Variants in ZC3H7A observed in about 807,000 individuals in gnomAD.
The protein encoded by ZC3H7A is zinc finger CCCH domain-containing protein 7A.
In ZC3H7A, 44 loss-of-function variants were observed where a neutral mutation model predicts 125.5. The ratio of observed to expected loss-of-function variants is 0.35; its 90% CI spans 0.28 to 0.45. The LOEUF (loss-of-function observed/expected upper bound fraction) is 0.45. Among genes scored for constraint, ZC3H7A ranks in the 20% least tolerant of loss-of-function variants. The pLI is 1.00. For synonymous variants in ZC3H7A, 399 were observed against 391.2 expected (o/e 1.02, Z -0.23); for missense variants, 977 against 1,170.7 (o/e 0.83, Z 2.41).
intron 19 of ZC3H7A, among the ~76,000 whole-genome samples, chr16:11,760,145 A>AAAAAAAAAT (rs60462156): frequency 7.2e-6 from 1 of 138,524 alleles, no homozygotes; most frequent in Non-Finnish European, 1.6e-5. Flanking sequence ...AAAAAAAAAA[A>AAAAAAAAAT]GAAAAAAAGT....
intron 7 of ZC3H7A, 64 bp downstream of exon 7, chr16:11,776,256 G>A: frequency 1.3e-6 from 2 of 1,491,140 alleles, no homozygotes; most frequent in Non-Finnish European, 1.8e-6. Flanking sequence ...AATACTAAAA[G>A]TAGAATTGCT....
In ZC3H7A at chr16:11,762,044, C is replaced by A; in HGVS notation, c.2080-1G>T. 1 of 1,585,722 alleles carries A rather than the reference C, an allele frequency of 6.3e-7. No homozygotes were observed. Among genetic ancestry groups the A allele is most frequent in the Non-Finnish European group, 8.6e-7 (1 of 1,169,478 alleles). On this transcript the variant is annotated splice_acceptor_variant, in intron 17 of 22. Coordinates refer to ENST00000355758, the MANE Select transcript of ZC3H7A (RefSeq NM_014153.4). LOFTEE classifies it high-confidence loss of function. ...CAGGCATTATTTGATTACCAAGTAC[C>A]TTAAACAATTAAAAGATTCGTTTTA...
intron 1 of ZC3H7A, among the ~76,000 whole-genome samples, chr16:11,788,494 C>CCT (rs1489331579): frequency 1.3e-5 from 2 of 152,210 alleles, no homozygotes; most frequent in African/African-American, 4.8e-5. Flanking sequence ...ATGTCTCCTT[C>CCT]CCATCCTATC....
chr16:11,751,068 C>T lies in ZC3H7A; in HGVS notation c.*249G>A, dbSNP rs1219363117. The stretch of plus-strand genomic sequence containing the variant: ...TATCCTCTTCCCCAACACACTTCAT[C>T]CAAAAGTCTGTTCAACAGATGGCAA... On this transcript the variant is annotated 3_prime_UTR_variant, in exon 23 of 23. Coordinates refer to ENST00000355758, the MANE Select transcript of ZC3H7A (RefSeq NM_014153.4). The T allele has an allele frequency of 2.6e-6, 1 of 382,884 alleles. No homozygotes were observed. The highest frequency in any genetic ancestry group is 4.9e-5 in the East Asian group (1 of 20,484). 23.7% of individuals were successfully genotyped at this position (382,884 alleles called of 1,614,324 possible). A position where few individuals can be genotyped will look rare whatever the true frequency, so the allele number is the denominator to read the frequency against.
intron 9 of ZC3H7A, among the ~76,000 whole-genome samples, chr16:11,771,923 G>C (rs1032677763): frequency 6.6e-6 from 1 of 152,052 alleles, no homozygotes; most frequent in Non-Finnish European, 1.5e-5. Flanking sequence ...GGCTGGGCAT[G>C]GTGGCTCACA....
intron 20 of ZC3H7A, among the ~76,000 whole-genome samples, chr16:11,757,699 G>A (rs573741029): frequency 2.4e-4 from 36 of 152,186 alleles, no homozygotes; most frequent in African/African-American, 7.7e-4. Flanking sequence ...TGGTGCGCAA[G>A]GGCATCTTCA....
At chr16:11,782,743 G>A in intron 1 of ZC3H7A, 1 of 163,164 alleles carries the variant, frequency 6.1e-6, no homozygotes, top group Non-Finnish European at 1.3e-5. Context: ...AGCCTCCTGA[G>A]TGGCTGGGAC....
In ZC3H7A at chr16:11,765,084, G is replaced by C; in HGVS notation, c.1789C>G (p.Pro597Ala). 1 of 1,589,166 alleles carries C rather than the reference G, an allele frequency of 6.3e-7. No homozygotes were observed. Among genetic ancestry groups the C allele is most frequent in the Non-Finnish European group, 8.6e-7 (1 of 1,169,450 alleles). ...NKDNSTACSH[P>A]VTKHEFEDNK... is the part of the protein sequence containing the mutation. ...TCTTCAAACTCATGCTTTGTAACCG[G>C]GTGAGAACAAGCAGTAGAATTATCT... Residue 597 changes from proline (P) to alanine (A), a missense_variant, in exon 15 of 23, where the codon CCG (proline) becomes GCG (alanine). By Grantham distance (27) the Pro-to-Ala change is conservative. Around this residue, in one of 3 missense-constraint regions of ZC3H7A, gnomAD observed 436 missense variants for 603.2 expected, o/e 0.72. Transcript: ENST00000355758. This position sits in a 1 kb window ranked among gnomAD's most constrained non-coding sequence, Gnocchi z 4.8.
intron 1 of ZC3H7A, chr16:11,796,209 A>G (rs1249915892): frequency 6.6e-6 from 1 of 152,252 alleles, no homozygotes; most frequent in African/African-American, 2.4e-5. Context: ...ATTTAAGTAT[A>G]AAAGATTACC....
chr16:11,787,572 C>T (rs1474585860), intron 1 of ZC3H7A, among the ~76,000 whole-genome samples: 4 of 152,146 alleles, frequency 2.6e-5, no homozygotes, highest in African/African-American at 9.7e-5. Flanking sequence ...AGCGATCCTC[C>T]CTCATCAGCC....
intron 9 of ZC3H7A, among the ~76,000 whole-genome samples, chr16:11,772,208 G>A: frequency 7.0e-6 from 1 of 142,286 alleles, no homozygotes; most frequent in South Asian, 2.3e-4. Context: ...AAAAAAAAAA[G>A]AATTTGCACC....
At chr16:11,770,700 A>C in intron 10 of ZC3H7A, 83 bp downstream of exon 10, 3 of 1,230,528 alleles carry the variant, frequency 2.4e-6, no homozygotes, top group Non-Finnish European at 3.4e-6. Context: ...TACTACCTAG[A>C]GTCAGTTAAA....
intron 4 of ZC3H7A, 66 bp from the exon 5 acceptor site, chr16:11,776,975 C>G: frequency 2.9e-6 from 4 of 1,391,074 alleles, no homozygotes; most frequent in Non-Finnish European, 3.8e-6. Flanking sequence ...TGAGGCCTTC[C>G]TGTAATAAAA....
In ZC3H7A at chr16:11,765,359, A is replaced by G. The variant is rs986739614; in HGVS notation, c.1719+130T>C. ...GAGGAATATTTTATTCATAAATATG[A>G]TATTATTTATCATATAAATAAATGA... On this transcript the variant is annotated intron_variant, in intron 14 of 22. Transcript: ENST00000355758. The surrounding 1 kb of genome is among the most constrained non-coding windows in gnomAD (Gnocchi z 4.8). 4 of 639,760 alleles carry G rather than the reference A, an allele frequency of 6.3e-6. No homozygotes were observed. The highest frequency in any genetic ancestry group is 7.2e-6 in the Non-Finnish European group (3 of 413,858). 39.6% of individuals were successfully genotyped at this position (639,760 alleles called of 1,614,324 possible).
chr16:11,753,403 G>A (rs2052583770), intron 21 of ZC3H7A, among the ~76,000 whole-genome samples: 1 of 152,198 alleles, frequency 6.6e-6, no homozygotes, highest in African/African-American at 2.4e-5. Context: ...GGTAAAAACA[G>A]ATTTGAACTC....
chr16:11,753,655 T>G (rs2052588312), intron 21 of ZC3H7A: 1 of 151,990 alleles, frequency 6.6e-6, no homozygotes, highest in Admixed American at 6.6e-5. Context: ...ATTTATTTAT[T>G]TGTTTATTTT....
Position 11,774,406 on chromosome 16 carries a change from T to C in ZC3H7A, c.733A>G (p.Ile245Val), listed in dbSNP as rs769958961. The part of the protein sequence containing the change: ...ASVPVMPLTS[I>V]LPLQVEESAL... Reference sequence around the variant, plus strand: ...CTCTCTTCCACTTGTAGTGGCAAAATAGAAGTTAAGGGCATAACAGGAACT... The same window carrying C: ...CTCTCTTCCACTTGTAGTGGCAAAACAGAAGTTAAGGGCATAACAGGAACT... The change falls in exon 9 of 23, where the codon ATT becomes GTT. Residue 245 changes from isoleucine (I) to valine (V), a missense_variant. Transcript: ENST00000355758. 2.2e-5 allele frequency: 35 copies of C among 1,613,386 alleles called. No homozygotes were observed. Among genetic ancestry groups the C allele is most frequent in the African/African-American group, 6.7e-5 (5 of 74,896 alleles).
Position 11,772,162 on chromosome 16 carries a change from A to T in ZC3H7A, c.904-1175T>A, listed in dbSNP as rs190408287. ...GTGAGCCAAGATCGCACCACTGCAC[A>T]CCAGCCTGGGCGACAGAGTGAGACT... On this transcript the variant is annotated intron_variant, in intron 9 of 22. Transcript: ENST00000355758. Among the ~76,000 whole-genome samples the T allele has an allele frequency of 4.8e-3, 717 of 150,028 alleles. 9 individuals are homozygous for T. The highest frequency in any genetic ancestry group is 0.017 in the African/African-American group (688 of 39,860).
chr16:11,769,159 C>T (rs1567381133), intron 10 of ZC3H7A, 64 bp from the exon 11 acceptor site: 2 of 1,401,612 alleles, frequency 1.4e-6, no homozygotes, highest in Non-Finnish European at 1.9e-6. Context: ...AACATCAGGG[C>T]TTAGTAGCTT....
Sources: gnomAD v4.1 joint callset for allele counts (sites outside exome capture counted in the v4.1 genomes callset) on GRCh38, gnomAD v4.1.1 for gene constraint, gnomAD v4.1.1 regional missense constraint, Gnocchi (gnomAD v3.1) non-coding constraint, MANE v1.5 for transcripts, NCBI Gene and HGNC (gene_info 2026-07-23, HGNC 2026-07-21) for gene names.